Variants in PRKAG2 observed in about 807,000 individuals in gnomAD.
PRKAG2 encodes 5'-AMP-activated protein kinase subunit gamma-2.
PRKAG2 carries 26 observed loss-of-function variants against 69.6 expected under a neutral mutation model. The observed-to-expected ratio is 0.37, with a 90% CI of 0.27 to 0.52. The LOEUF is 0.52. PRKAG2 is among the 20% of genes least tolerant of loss of function. The pLI, the probability that PRKAG2 is intolerant of heterozygous loss-of-function variation, is 0.90. For missense variants in PRKAG2, 557 were observed against 740.0 expected (o/e 0.75, Z 2.87); for synonymous variants, 293 against 285.0 (o/e 1.03, Z -0.28).
At chr7:151,564,301 G>C (rs1805730707) in intron 13 of PRKAG2, 77 bp from the exon 14 acceptor site, 1 of 1,518,344 alleles carries the variant, frequency 6.6e-7, no homozygotes, top group Non-Finnish European at 9.1e-7. Context: ...GAGCTTAAGA[G>C]AGCCTGATTT....
chr7:151,670,489 A>T (rs1831839832), intron 4 of PRKAG2, among the ~76,000 whole-genome samples: 1 of 152,212 alleles, frequency 6.6e-6, no homozygotes, highest in Non-Finnish European at 1.5e-5. Flanking sequence ...ATAACCAGTT[A>T]GGGGATCACC....
intron 3 of PRKAG2, among the ~76,000 whole-genome samples, chr7:151,764,657 T>C (rs891912726): frequency 6.6e-6 from 1 of 152,182 alleles, no homozygotes; most frequent in Admixed American, 6.5e-5. Flanking sequence ...CCCGGAGACC[T>C]CATGACCTAT....
intron 6 of PRKAG2, 62 bp from the exon 7 acceptor site, chr7:151,576,514 T>A (rs1223716164): frequency 7.8e-6 from 11 of 1,407,526 alleles, no homozygotes; most frequent in Non-Finnish European, 1.1e-5. Context: ...ATACCTTTTT[T>A]TTTTGAGACA....
intron 1 of PRKAG2, among the ~76,000 whole-genome samples, chr7:151,855,564 CCACACACCACCCTA>C (rs1170488818): frequency 4.2e-5 from 6 of 141,932 alleles, no homozygotes; most frequent in East Asian, 4.4e-4. Context: ...ACGCCACCCT[CCACACACCACCCTA>C]CACACACACC....
At position 151,614,523 on chromosome 7, in the gene PRKAG2, A is replaced by G. The variant is rs1031750662; in HGVS notation, c.754+17546T>C. Among the ~76,000 whole-genome samples the G allele has an allele frequency of 2.0e-5, 3 of 152,086 alleles. No individual in the cohort carries two copies. The highest frequency in any genetic ancestry group is 2.0e-4 in the Admixed American group (3 of 15,276). ...ACGTCTCTGAGACCCTGCTCCCTCCATCGTGACTCTCCGTCCCATCCCTGC... is the reference window on the plus strand; with the variant it reads ...ACGTCTCTGAGACCCTGCTCCCTCCGTCGTGACTCTCCGTCCCATCCCTGC... On this transcript the variant is annotated intron_variant, in intron 5 of 15. Coordinates refer to ENST00000287878, the MANE Select transcript of PRKAG2 (RefSeq NM_016203.4). The surrounding 1 kb of genome is among the most constrained non-coding windows in gnomAD (Gnocchi z 4.4).
At chr7:151,749,605 C>A (rs1414601255) in intron 3 of PRKAG2, among the ~76,000 whole-genome samples, 1 of 152,030 alleles carries the variant, frequency 6.6e-6, no homozygotes, top group African/African-American at 2.4e-5. Flanking sequence ...TAAAGAACTA[C>A]AACTCTACAA....
chr7:151,803,011 G>A (rs60765845), intron 1 of PRKAG2, among the ~76,000 whole-genome samples: 7,357 of 151,308 alleles, frequency 0.049, 448 homozygotes, highest in African/African-American at 0.14. Flanking sequence ...AGGCTGGAGC[G>A]CAGTGGTGTG....
chr7:151,689,543 C>T (rs973163859), intron 3 of PRKAG2, among the ~76,000 whole-genome samples: 1 of 152,192 alleles, frequency 6.6e-6, no homozygotes, highest in Non-Finnish European at 1.5e-5. Flanking sequence ...CCACGTACAG[C>T]GAAGCAGGAG....
intron 4 of PRKAG2, among the ~76,000 whole-genome samples, chr7:151,645,951 T>C (rs1032355332): frequency 6.6e-6 from 1 of 152,226 alleles, no homozygotes; most frequent in Non-Finnish European, 1.5e-5. Context: ...ACATTGCTTG[T>C]TGAAAAGATT....
chr7:151,812,582 G>C (rs1201507040), intron 1 of PRKAG2, among the ~76,000 whole-genome samples: 3 of 152,312 alleles, frequency 2.0e-5, no homozygotes, highest in African/African-American at 7.2e-5. Flanking sequence ...TGGGACACAG[G>C]ACTCAAGAGT....
chr7:151,586,714 C>G (rs1811766601), intron 6 of PRKAG2, among the ~76,000 whole-genome samples: 2 of 152,170 alleles, frequency 1.3e-5, no homozygotes, highest in Non-Finnish European at 2.9e-5. Flanking sequence ...TCTGTTTTCT[C>G]TTTATTGACA....
intron 3 of PRKAG2, among the ~76,000 whole-genome samples, chr7:151,716,832 G>T (rs80296683): frequency 6.6e-6 from 1 of 152,202 alleles, no homozygotes; most frequent in Non-Finnish European, 1.5e-5. Context: ...CCAAGCCCGC[G>T]TGGAGCAGAG....
intron 1 of PRKAG2, among the ~76,000 whole-genome samples, chr7:151,855,125 A>C (rs182662311): frequency 9.0e-5 from 1 of 11,078 alleles, no homozygotes; most frequent in Non-Finnish European, 1.6e-4. Context: ...CACACACACC[A>C]TCCTCCACAC....
intron 11 of PRKAG2, among the ~76,000 whole-genome samples, chr7:151,568,504 A>G (rs904434620): frequency 2.0e-5 from 3 of 152,194 alleles, no homozygotes. Flanking sequence ...AATTGTTTTG[A>G]TACTTGCACT....
intron 3 of PRKAG2, among the ~76,000 whole-genome samples, chr7:151,753,947 T>TC (rs2074886954): frequency 6.6e-6 from 1 of 152,114 alleles, no homozygotes; most frequent in African/African-American, 2.4e-5. Context: ...GGTAGGAGAA[T>TC]CGCTTGAGTT....
rs1826206703 is a variant in PRKAG2 at position 151,638,968 on chromosome 7, A to G, written c.685-6830T>C. On this transcript the variant is annotated intron_variant, in intron 4 of 15. Coordinates refer to ENST00000287878, the MANE Select transcript of PRKAG2 (RefSeq NM_016203.4). This position sits in a 1 kb window ranked among gnomAD's most constrained non-coding sequence, Gnocchi z 4.3. ...TGCTCTGCAAGGGCGTCCTCCAAAG[A>G]GTAAAGAACGACGTGAAACCCCCTG... Among the ~76,000 whole-genome samples the G allele has an allele frequency of 6.6e-6, 1 of 152,162 alleles. No individual in the cohort carries two copies. The highest frequency in any genetic ancestry group is 1.5e-5 in the Non-Finnish European group (1 of 68,030).
intron 3 of PRKAG2, among the ~76,000 whole-genome samples, chr7:151,689,627 T>C (rs1835338900): frequency 6.6e-6 from 1 of 152,008 alleles, no homozygotes; most frequent in Non-Finnish European, 1.5e-5. Flanking sequence ...TCCCGCCAGG[T>C]CTCCCAGGAG....
chr7:151,594,999 C>T (rs1211606194), intron 6 of PRKAG2, among the ~76,000 whole-genome samples: 1 of 152,042 alleles, frequency 6.6e-6, no homozygotes, highest in East Asian at 1.9e-4. Context: ...TGTTTCATCA[C>T]GTTGGCCAGG....
intron 1 of PRKAG2, among the ~76,000 whole-genome samples, chr7:151,849,778 C>A (rs7776530): frequency 0.71 from 107,786 of 151,936 alleles, 38,381 homozygotes; most frequent in East Asian, 0.82. Context: ...TCTTGGGAGG[C>A]TGCAGTTATG....
Sources: allele counts gnomAD v4.1 joint callset (sites outside exome capture counted in the v4.1 genomes callset), GRCh38; gene constraint gnomAD v4.1.1; non-coding constraint Gnocchi (gnomAD v3.1); transcripts MANE v1.5; gene names NCBI Gene and HGNC (gene_info 2026-07-23, HGNC 2026-07-21).